ANAPC16: variants seen among roughly 807,000 people sequenced by gnomAD.
ANAPC16 encodes the protein anaphase-promoting complex subunit 16.
In ANAPC16, 6 loss-of-function variants were observed where a neutral mutation model predicts 13.1. The ratio of observed to expected loss-of-function variants is 0.46; its 90% confidence interval spans 0.25 to 0.90. ANAPC16 has a LOEUF of 0.90. Ranked by LOEUF, ANAPC16 falls within the 40% of genes least tolerant of loss-of-function variation. The probability of loss-of-function intolerance (pLI) is 0.18; values close to 1 mark genes in which losing one functional copy is unlikely to be tolerated. For missense variants in ANAPC16, 113 were observed against 131.1 expected, an observed-to-expected ratio of 0.86 and a Z score of 0.67; for synonymous variants, 55 against 51.3, an observed-to-expected ratio of 1.07 and a Z score of -0.31.
chr10:72,224,950 C>A (rs916534874), intron 2 of ANAPC16, among the ~76,000 whole-genome samples: 1 of 152,116 alleles, frequency 6.6e-6, no homozygotes, highest in African/African-American at 2.4e-5. Context: ...AGGGTACAGG[C>A]TGTAAGCATG....
chr10:72,222,271 A>T (rs760338824), intron 1 of ANAPC16, among the ~76,000 whole-genome samples: 7 of 151,600 alleles, frequency 4.6e-5, no homozygotes, highest in Non-Finnish European at 1.0e-4. Context: ...TACAAAAATT[A>T]GCTGGGCGTG....
chr10:72,223,832 A>T, intron 1 of ANAPC16, 56 bp from the exon 2 acceptor site: 1 of 1,330,902 alleles, frequency 7.5e-7, no homozygotes, highest in Non-Finnish European at 1.0e-6. Flanking sequence ...CTAGAATGAA[A>T]TGTTGTCACT....
At chr10:72,230,522 C>A in intron 3 of ANAPC16, 82 bp downstream of exon 3, 2 of 1,147,076 alleles carry the variant, frequency 1.7e-6, no homozygotes, top group South Asian at 1.2e-5. Context: ...AATCCCCAAA[C>A]TCAGCAAGGC....
chr10:72,222,605 C>G (rs1225764401), intron 1 of ANAPC16, among the ~76,000 whole-genome samples: 1 of 149,696 alleles, frequency 6.7e-6, no homozygotes, highest in Non-Finnish European at 1.5e-5. Flanking sequence ...GGTGAAACCC[C>G]GTGCCTACTA....
chr10:72,221,217 C>CT (rs1329698691), intron 1 of ANAPC16, among the ~76,000 whole-genome samples: 1 of 152,148 alleles, frequency 6.6e-6, no homozygotes, highest in Non-Finnish European at 1.5e-5. Context: ...GCCTGCAATC[C>CT]TTTTTGAAGT....
At chr10:72,225,716 A>G (rs1427339132) in intron 2 of ANAPC16, among the ~76,000 whole-genome samples, 3 of 152,146 alleles carry the variant, frequency 2.0e-5, no homozygotes, top group Non-Finnish European at 4.4e-5. Flanking sequence ...CTTGGCTAAC[A>G]TGGTGAAACC....
chr10:72,222,450 T>TTTTGTCTATTTATTTTTTTAAATAG (rs770712301), intron 1 of ANAPC16, among the ~76,000 whole-genome samples: 12,101 of 136,960 alleles, frequency 0.088, 1,334 homozygotes, highest in African/African-American at 0.26. Flanking sequence ...CTGAGCAACA[T>TTTTGTCTATTTATTTTTTTAAATAG]AGCAAGACCT....
At chr10:72,225,032 C>G (rs1230532363) in intron 2 of ANAPC16, among the ~76,000 whole-genome samples, 1 of 152,158 alleles carries the variant, frequency 6.6e-6, no homozygotes, top group African/African-American at 2.4e-5. Context: ...GCCTGTAATT[C>G]TAGCACTTTG....
intron 1 of ANAPC16, among the ~76,000 whole-genome samples, chr10:72,217,397 C>T (rs967964288): frequency 6.6e-5 from 10 of 151,540 alleles, no homozygotes; most frequent in East Asian, 1.9e-4. Context: ...ATGGCGTGAA[C>T]CCAGGAGGCA....
At chr10:72,223,737 C>A in intron 1 of ANAPC16, 151 bp from the exon 2 acceptor site, 2 of 539,862 alleles carry the variant, frequency 3.7e-6, no homozygotes, top group Non-Finnish European at 6.1e-6. Flanking sequence ...TGGCCTGAGA[C>A]ATCAATAAAA....
chr10:72,224,007 A>G lies in ANAPC16; in HGVS notation c.93A>G (p.Pro31=), dbSNP rs748180945. The change falls in exon 2 of 4, where the codon CCA becomes CCG. Residue 31 remains proline (P), a synonymous_variant. Transcript: ENST00000299381. The part of the protein sequence containing the change: ...SGFSVSDLAP[P]RKALFTYPKG... ...TCAGTGTCTCAGACCTTGCCCCACC[A>G]CGGAAAGCCCTTTTCACCTACCCCA... is the stretch of plus-strand genomic sequence containing the variant. 6.2e-7 allele frequency: 1 copy of G among 1,612,254 alleles called. No homozygotes were observed. Among genetic ancestry groups the G allele is most frequent in the Admixed American group, 1.7e-5 (1 of 59,974 alleles).
intron 2 of ANAPC16, among the ~76,000 whole-genome samples, chr10:72,225,842 G>A (rs1044885153): frequency 1.2e-4 from 18 of 150,944 alleles, no homozygotes; most frequent in African/African-American, 3.4e-4. Flanking sequence ...CAGAGGTTGC[G>A]GTGAGCAGAT....
intron 3 of ANAPC16, among the ~76,000 whole-genome samples, chr10:72,231,700 G>A (rs1032300497): frequency 6.6e-6 from 1 of 152,106 alleles, no homozygotes; most frequent in African/African-American, 2.4e-5. Context: ...GGGACTACAG[G>A]TGCACGCCAC....
chr10:72,223,750 T>C (rs1448659723), intron 1 of ANAPC16, 138 bp from the exon 2 acceptor site: 1 of 597,716 alleles, frequency 1.7e-6, no homozygotes, highest in Non-Finnish European at 2.6e-6. Context: ...CAATAAAATA[T>C]TGTGAAAGTA....
intron 2 of ANAPC16, among the ~76,000 whole-genome samples, chr10:72,226,614 A>G (rs1279688913): frequency 1.3e-5 from 2 of 151,868 alleles, no homozygotes; most frequent in African/African-American, 4.8e-5. Flanking sequence ...TGGAGGCTGC[A>G]GTGAGCTGTG....
At chr10:72,232,411 G>A (rs1002105748) in intron 3 of ANAPC16, among the ~76,000 whole-genome samples, 20 of 150,742 alleles carry the variant, frequency 1.3e-4, no homozygotes, top group African/African-American at 4.4e-4. Flanking sequence ...GGGCACGATG[G>A]CGGGTGCCTG....
At chr10:72,218,696 T>C (rs975510967) in intron 1 of ANAPC16, among the ~76,000 whole-genome samples, 1 of 152,232 alleles carries the variant, frequency 6.6e-6, no homozygotes, top group African/African-American at 2.4e-5. Context: ...TGAGAGCAGT[T>C]ACCATCTAGG....
intron 2 of ANAPC16, 131 bp from the exon 3 acceptor site, chr10:72,230,235 C>G: frequency 1.6e-6 from 1 of 616,794 alleles, no homozygotes; most frequent in Non-Finnish European, 2.9e-6. Context: ...GAAGCAGAAC[C>G]CGTCTTTGTA....
chr10:72,224,974 A>G (rs1425904222), intron 2 of ANAPC16, among the ~76,000 whole-genome samples: 1 of 152,130 alleles, frequency 6.6e-6, no homozygotes, highest in Non-Finnish European at 1.5e-5. Flanking sequence ...TTTGAAGAGC[A>G]AAGAGGTTAC....
Sources: gnomAD v4.1 joint callset for allele counts (sites outside exome capture counted in the v4.1 genomes callset) on GRCh38, gnomAD v4.1.1 for gene constraint, MANE v1.5 for transcripts, NCBI Gene and HGNC (gene_info 2026-07-23, HGNC 2026-07-21) for gene names.